ATXN2: variants seen among roughly 807,000 people sequenced by gnomAD.
ATXN2 encodes ataxin-2.
Under a neutral mutation model 138.6 loss-of-function variants are expected in ATXN2, and 37 were observed. That is an observed-to-expected ratio of 0.27 (90% CI 0.21 to 0.35). The LOEUF is 0.35. Ranked by LOEUF, ATXN2 falls within the 10% of genes least tolerant of loss-of-function variation. ATXN2 has a pLI of 1.00. For synonymous variants in ATXN2, 549 were observed against 543.7 expected (o/e 1.01, Z -0.13); for missense variants, 1,216 against 1,480.3 (o/e 0.82, Z 2.93).
chr12:111,504,753 T>C (rs564381902), intron 14 of ATXN2, among the ~76,000 whole-genome samples: 1 of 152,332 alleles, frequency 6.6e-6, no homozygotes, highest in East Asian at 1.9e-4. Flanking sequence ...CACCTTATGC[T>C]ATATTAAATA....
intron 1 of ATXN2, among the ~76,000 whole-genome samples, chr12:111,568,867 C>T (rs774793268): frequency 2.6e-5 from 4 of 152,146 alleles, no homozygotes; most frequent in African/African-American, 9.7e-5. Context: ...TTGTTGTTTA[C>T]ATTATTATTA....
chr12:111,575,138 A>ACCCTAGGC lies in ATXN2; in HGVS notation c.252-19220_252-19219insGCCTAGGG, dbSNP rs1327594575. Among the ~76,000 whole-genome samples, 71 of 152,198 alleles carry ACCCTAGGC rather than the reference A, an allele frequency of 4.7e-4. No individual in the cohort carries two copies. The Middle Eastern group carries it at 0.028, about 60-fold the overall frequency. ...TCAAGCTGAGGTCAGAAAGCTTCTC[A>ACCCTAGGC]AACATACTTATTTCTGGGCATAGCC... On this transcript the variant is annotated intron_variant, in intron 1 of 24. Coordinates refer to ENST00000673436, the MANE Select transcript of ATXN2 (RefSeq NM_001372574.1).
chr12:111,597,816 G>C (rs778638497), intron 1 of ATXN2: 1 of 1,252,208 alleles, frequency 8.0e-7, no homozygotes, highest in South Asian at 1.2e-5. Context: ...TTCCGAAATT[G>C]GGGCGGGGGT....
Position 111,509,761 on chromosome 12 carries a change from G to T in ATXN2, c.1864+130C>A, listed in dbSNP as rs564799063. 32 of 952,660 alleles carry T rather than the reference G, an allele frequency of 3.4e-5. No homozygotes were observed. The African/African-American group carries it at 5.2e-4, about 15-fold the overall frequency. The allele number at this position is 952,660 out of a possible 1,614,324, so 59.0% of individuals were successfully genotyped here. A position where few individuals can be genotyped will look rare whatever the true frequency, so the allele number is the denominator to read the frequency against. ...ATATTAAATTTGGATTTTGGAATTT[G>T]TCAAGCAATACATTTATCTATCACA... On this transcript the variant is annotated intron_variant, in intron 13 of 24. Transcript: ENST00000673436.
chr12:111,491,669 A>T (rs1401930134), intron 14 of ATXN2, among the ~76,000 whole-genome samples: 1 of 152,208 alleles, frequency 6.6e-6, no homozygotes, highest in Non-Finnish European at 1.5e-5. Flanking sequence ...CATTGCCTTG[A>T]AGGGAAATAC....
intron 1 of ATXN2, among the ~76,000 whole-genome samples, chr12:111,593,847 T>C (rs1884798195): frequency 6.6e-6 from 1 of 152,224 alleles, no homozygotes; most frequent in Non-Finnish European, 1.5e-5. Context: ...TTAGTATCAA[T>C]GTGCACATAA....
rs564092296 is a variant in ATXN2, at chr12:111,530,821, C to CA, written c.572-5506dup. Among the ~76,000 whole-genome samples the CA allele has an allele frequency of 2.3e-4, 34 of 150,832 alleles. 1 individual carries two copies. Among genetic ancestry groups the CA allele is most frequent in the South Asian group, 4.2e-4 (2 of 4,770 alleles). On this transcript the variant is annotated intron_variant, in intron 5 of 24. Coordinates refer to ENST00000673436, the MANE Select transcript of ATXN2 (RefSeq NM_001372574.1). The stretch of plus-strand genomic sequence containing the variant: ...AGAGCGAGACTCCATCTCAAAAAAA[C>CA]AAAAAACAAAAAAATGTGTATAGGC...
chr12:111,559,433 C>G (rs1193845931), intron 1 of ATXN2, among the ~76,000 whole-genome samples: 1 of 151,086 alleles, frequency 6.6e-6, no homozygotes, highest in Admixed American at 6.6e-5. Context: ...TCACATGGGA[C>G]AAAAACATCA....
At chr12:111,545,603 G>C (rs1881763300) in intron 5 of ATXN2, among the ~76,000 whole-genome samples, 2 of 151,878 alleles carry the variant, frequency 1.3e-5, no homozygotes, top group Admixed American at 1.3e-4. Flanking sequence ...GAGGTAAGTA[G>C]AAGGGAGAGA....
At chr12:111,582,995 T>G (rs1349681641) in intron 1 of ATXN2, among the ~76,000 whole-genome samples, 986 of 8,280 alleles carry the variant, frequency 0.12, 16 homozygotes, top group African/African-American at 0.23. Context: ...TTTTGTTTGT[T>G]TTTTTTTTTT....
At chr12:111,470,354 C>T (rs1012831697) in intron 19 of ATXN2, 114 bp from the exon 20 acceptor site, 1 of 1,334,166 alleles carries the variant, frequency 7.5e-7, no homozygotes, top group Non-Finnish European at 1.0e-6. Context: ...CAGCTGTAAA[C>T]TCTCAAATCT....
intron 21 of ATXN2, among the ~76,000 whole-genome samples, chr12:111,464,250 GTGTGTGTGTGT>G: frequency 7.1e-6 from 1 of 141,516 alleles, no homozygotes; most frequent in Non-Finnish European, 1.6e-5. Context: ...GGCTTGGGGT[GTGTGTGTGTGT>G]GTGTGTGTGT....
At chr12:111,454,731 G>A (rs559061815) in intron 23 of ATXN2, 9 of 336,482 alleles carry the variant, frequency 2.7e-5, no homozygotes, top group Middle Eastern at 1.9e-3. Context: ...ATATTCAAAC[G>A]GGCACATGGC....
chr12:111,474,191 A>G (rs1876628050), intron 18 of ATXN2, among the ~76,000 whole-genome samples: 1 of 152,220 alleles, frequency 6.6e-6, no homozygotes, highest in Non-Finnish European at 1.5e-5. Flanking sequence ...ACTGCACTCC[A>G]GCTTGGGTGA....
At chr12:111,481,455 A>C (rs779384151) in intron 18 of ATXN2, among the ~76,000 whole-genome samples, 20 of 151,786 alleles carry the variant, frequency 1.3e-4, no homozygotes, top group Non-Finnish European at 2.2e-4. Flanking sequence ...AAAACAAAAA[A>C]CCACAATGAC....
chr12:111,539,995 C>T (rs984902224), intron 5 of ATXN2, among the ~76,000 whole-genome samples: 1 of 150,210 alleles, frequency 6.7e-6, no homozygotes, highest in Non-Finnish European at 1.5e-5. Context: ...ATTCTTACAG[C>T]TGTACAAATA....
At chr12:111,494,104 A>G (rs1783300559) in intron 14 of ATXN2, among the ~76,000 whole-genome samples, 2 of 151,262 alleles carry the variant, frequency 1.3e-5, no homozygotes, top group African/African-American at 2.4e-5. Flanking sequence ...TAATTTTTCT[A>G]TTTTTAGTAG....
At chr12:111,568,720 T>G (rs1394195407) in intron 1 of ATXN2, among the ~76,000 whole-genome samples, 1 of 152,198 alleles carries the variant, frequency 6.6e-6, no homozygotes, top group Admixed American at 6.5e-5. Context: ...CTATTATGTC[T>G]ACCCGTTTTA....
chr12:111,489,637 A>G, intron 14 of ATXN2, among the ~76,000 whole-genome samples: 1 of 151,370 alleles, frequency 6.6e-6, no homozygotes, highest in South Asian at 2.1e-4. Context: ...GATAGCACCA[A>G]TGAGCTGGGC....
Sources: gnomAD v4.1 joint callset for allele counts (sites outside exome capture counted in the v4.1 genomes callset) on GRCh38, gnomAD v4.1.1 for gene constraint, MANE v1.5 for transcripts, NCBI Gene and HGNC (gene_info 2026-07-23, HGNC 2026-07-21) for gene names.